The following OXNAD1 variants were observed in gnomAD, a reference collection of about 807,000 sequenced individuals.
The protein encoded by OXNAD1 is oxidoreductase NAD-binding domain-containing protein 1.
A neutral mutation model predicts 32.9 loss-of-function variants in OXNAD1; 34 were observed. The ratio of observed to expected loss-of-function variants is 1.03; its 90% CI spans 0.79 to 1.38. The LOEUF is 1.38. Ranked by LOEUF, OXNAD1 falls within the 40% of genes most tolerant of loss-of-function variation. The pLI is 0.00. For synonymous variants in OXNAD1, 134 were observed against 135.2 expected (o/e 0.99, Z 0.06); for missense variants, 407 against 379.4 (o/e 1.07, Z -0.60).
chr3:16,295,283 G>C (rs182681814), intron 6 of OXNAD1, among the ~76,000 whole-genome samples: 2 of 152,262 alleles, frequency 1.3e-5, no homozygotes, highest in Non-Finnish European at 2.9e-5. Flanking sequence ...TTGGCTCTCT[G>C]TGTCATGTAA....
intron 9 of OXNAD1, among the ~76,000 whole-genome samples, chr3:16,332,926 T>C (rs565574105): frequency 6.6e-6 from 1 of 152,364 alleles, no homozygotes; most frequent in South Asian, 2.1e-4. Flanking sequence ...TTAGTGACTA[T>C]TGAACCATTG....
chr3:16,318,270 G>A (rs1377311818), intron 9 of OXNAD1, among the ~76,000 whole-genome samples: 1 of 152,092 alleles, frequency 6.6e-6, no homozygotes, highest in Non-Finnish European at 1.5e-5. Context: ...TTCCCACCAT[G>A]GCCACTTCCT....
chr3:16,271,649 T>C lies in OXNAD1; in HGVS notation c.120-10T>C, dbSNP rs754903620. 8 of 1,578,032 alleles carry C rather than the reference T, an allele frequency of 5.1e-6. No homozygotes were observed. The East Asian group carries it at 1.6e-4, about 31-fold the overall frequency. Reference sequence around the variant, plus strand: ...AATATGTAATAACCTAATTTTACTTTCTATTAAAGCATAATGAAATCCAAA... The same window carrying C: ...AATATGTAATAACCTAATTTTACTTCCTATTAAAGCATAATGAAATCCAAA... On this transcript the variant is annotated splice_polypyrimidine_tract_variant and intron_variant, in intron 3 of 8. Transcript: ENST00000285083. This position sits in a 1 kb window ranked among gnomAD's most constrained non-coding sequence, Gnocchi z 4.6.
In OXNAD1 at chr3:16,316,671, G is replaced by T; in HGVS notation, c.*30+13079G>T. 1.3e-6 allele frequency: 1 copy of T among 788,106 alleles called. No individual in the cohort carries two copies. Among genetic ancestry groups the T allele is most frequent in the Non-Finnish European group, 2.1e-6 (1 of 472,630 alleles). The allele number at this position is 788,106 out of a possible 1,614,324, so 48.8% of individuals were successfully genotyped here. A position where few individuals can be genotyped will look rare whatever the true frequency, so the allele number is the denominator to read the frequency against. ...CAAAAACCAACACTGTCAGGAACCT[G>T]GCCCTGGGAGGGCTCAGGTGAGCTC... On this transcript the variant is annotated intron_variant, in intron 9 of 9. Coordinates refer to the OXNAD1 transcript ENST00000435829. The surrounding 1 kb of genome is among the most constrained non-coding windows in gnomAD (Gnocchi z 4.5).
chr3:16,325,192 C>T (rs564023080), intron 9 of OXNAD1, among the ~76,000 whole-genome samples: 1 of 152,320 alleles, frequency 6.6e-6, no homozygotes, highest in South Asian at 2.1e-4. Flanking sequence ...CTCATTTAAG[C>T]TTCACCTCAA....
intron 1 of OXNAD1, among the ~76,000 whole-genome samples, chr3:16,266,682 C>CA (rs1402157742): frequency 7.3e-5 from 11 of 149,956 alleles, no homozygotes; most frequent in South Asian, 2.1e-4. Flanking sequence ...TGTTGTATAT[C>CA]AGGCCAGAAG....
In OXNAD1 at chr3:16,345,887, C is replaced by T. The variant is rs1035230243; in HGVS notation, c.*31-3289C>T. The T allele has an allele frequency of 6.6e-6, 1 of 151,580 alleles. No homozygotes were observed. Among genetic ancestry groups the T allele is most frequent in the African/African-American group, 2.4e-5 (1 of 41,186 alleles). 9.4% of individuals were successfully genotyped at this position (151,580 alleles called of 1,614,324 possible). A position where few individuals can be genotyped will look rare whatever the true frequency, so the allele number is the denominator to read the frequency against. On this transcript the variant is annotated intron_variant, in intron 9 of 9. Transcript: ENST00000606098. This position sits in a 1 kb window ranked among gnomAD's most constrained non-coding sequence, Gnocchi z 5.2. The stretch of plus-strand genomic sequence containing the variant: ...ATAATCTCCTACTGGTTCTGTTTTA[C>T]TGGAGAACCCTAATACACTTCTTTC...
rs2068041550 is a variant in OXNAD1, at chr3:16,312,464, A to C, written c.*30+8872A>C. 6.6e-6 allele frequency among the ~76,000 whole-genome samples: 1 copy of C among 152,126 alleles called. No homozygotes were observed. Among genetic ancestry groups the C allele is most frequent in the South Asian group, 2.1e-4 (1 of 4,826 alleles). ...AGTGCCGAGCTTCTCCTGGCCACAC[A>C]CACCAGTCATCCTCACCCTTCCCGT... On this transcript the variant is annotated intron_variant, in intron 9 of 9. Transcript: ENST00000435829. This position sits in a 1 kb window ranked among gnomAD's most constrained non-coding sequence, Gnocchi z 4.7.
At chr3:16,291,254 TAAAA>T (rs2066411156) in intron 5 of OXNAD1, among the ~76,000 whole-genome samples, 1 of 152,188 alleles carries the variant, frequency 6.6e-6, no homozygotes, top group Non-Finnish European at 1.5e-5. Flanking sequence ...TTTTAAAACT[TAAAA>T]AGACTGTTAT....
In OXNAD1 at chr3:16,286,399, C is replaced by T; in HGVS notation, c.241C>T (p.Leu81Phe). The stretch of plus-strand genomic sequence containing the variant: ...CAGTGAGTCACCGTCAGTGAAGAGC[C>T]TCCGCTTGCTTGTTGCTGATCAAGA... The part of the protein sequence containing the change: ...AASESPSVKS[L>F]RLLVADQDFS... The change falls in exon 5 of 9, where the codon CTC becomes TTC. Residue 81 changes from leucine (L) to phenylalanine (F), a missense_variant. Leu to Phe is a conservative substitution (Grantham distance 22). Coordinates refer to ENST00000285083, the MANE Select transcript of OXNAD1 (RefSeq NM_138381.5). The T allele has an allele frequency of 6.2e-7, 1 of 1,613,960 alleles. No homozygotes were observed.
intron 4 of OXNAD1, among the ~76,000 whole-genome samples, chr3:16,285,234 G>T (rs2065992433): frequency 6.6e-6 from 1 of 152,184 alleles, no homozygotes; most frequent in Non-Finnish European, 1.5e-5. Flanking sequence ...TTTTGAAAAT[G>T]GTCTCCACTA....
rs12489896 is a variant in OXNAD1 at position 16,327,692 on chromosome 3, T to C, written c.*31-9420T>C. On this transcript the variant is annotated intron_variant, in intron 9 of 9. Coordinates refer to the OXNAD1 transcript ENST00000435829. The surrounding 1 kb of genome is among the most constrained non-coding windows in gnomAD (Gnocchi z 4.2). ...AGGAGAATGGCGTGAACCCGGGAGG[T>C]GGAGCTTGCAGTGAGCTGAGATGGC... is the stretch of plus-strand genomic sequence containing the variant. Among the ~76,000 whole-genome samples, 8,027 of 150,400 alleles carry C rather than the reference T, an allele frequency of 0.053. 287 individuals are homozygous for C. Among genetic ancestry groups the C allele is most frequent in the Middle Eastern group, 0.086 (25 of 292 alleles).
chr3:16,343,332 T>C (rs2071432832), intron 9 of OXNAD1, among the ~76,000 whole-genome samples: 1 of 152,190 alleles, frequency 6.6e-6, no homozygotes, highest in Non-Finnish European at 1.5e-5. Context: ...CCACATACAC[T>C]CTCCAATTAG....
At position 16,304,987 on chromosome 3, in the gene OXNAD1, G is replaced by T. The variant is rs1275153919; in HGVS notation, c.*1425G>T. On this transcript the variant is annotated 3_prime_UTR_variant, in exon 9 of 9. Coordinates refer to ENST00000285083, the MANE Select transcript of OXNAD1 (RefSeq NM_138381.5). The surrounding 1 kb of genome is among the most constrained non-coding windows in gnomAD (Gnocchi z 4.6). The stretch of plus-strand genomic sequence containing the variant: ...TTTGGGGAGGAAGGGAGGAGCTACT[G>T]ACCTGATGGGAATATCATAATCCAT... The T allele has an allele frequency of 6.6e-6, 1 of 152,196 alleles. No homozygotes were observed. The highest frequency in any genetic ancestry group is 2.4e-5 in the African/African-American group (1 of 41,426). The allele number at this position is 152,196 out of a possible 1,614,324, so 9.4% of individuals were successfully genotyped here. A position where few individuals can be genotyped will look rare whatever the true frequency, so the allele number is the denominator to read the frequency against.
rs556731501 is a variant in OXNAD1, at chr3:16,317,388, G to A, written c.*30+13796G>A. Among the ~76,000 whole-genome samples the A allele has an allele frequency of 1.2e-3, 186 of 151,506 alleles. 5 individuals carry two copies. The South Asian group carries it at 0.037, about 30-fold the overall frequency. On this transcript the variant is annotated intron_variant, in intron 9 of 9. Transcript: ENST00000435829. This position sits in a 1 kb window ranked among gnomAD's most constrained non-coding sequence, Gnocchi z 4.3. ...GCAGTACAGGCACCAAACTTGAATC[G>A]CACACTATCACATCACACCCACCCC...
rs2125184885 is a variant in OXNAD1 at position 16,320,995 on chromosome 3, A to G, written c.*31-16117A>G. On this transcript the variant is annotated intron_variant, in intron 9 of 9. Transcript: ENST00000435829. The surrounding 1 kb of genome is among the most constrained non-coding windows in gnomAD (Gnocchi z 4.5). ...TTAGGAGATTAGAATAGCTGAGGCGAGTGATGGTAGAGAGAAGTGGAGGGA... is the reference window on the plus strand; with the variant it reads ...TTAGGAGATTAGAATAGCTGAGGCGGGTGATGGTAGAGAGAAGTGGAGGGA... Among the ~76,000 whole-genome samples, 1 of 152,316 alleles carries G rather than the reference A, an allele frequency of 6.6e-6. No individual in the cohort carries two copies.
rs1415673927 is a variant in OXNAD1, at chr3:16,284,153, CTTG to C, written c.184-2184_184-2182del. ...GTACAAGCCCACCACACTGCAGTTT[CTTG>C]TTGTCCATGTGAGCAGTCTCTGAGA... On this transcript the variant is annotated intron_variant, in intron 4 of 8. Transcript: ENST00000285083. This position sits in a 1 kb window ranked among gnomAD's most constrained non-coding sequence, Gnocchi z 4.1. 3.9e-5 allele frequency among the ~76,000 whole-genome samples: 6 copies of C among 152,316 alleles called. No individual in the cohort carries two copies. Among genetic ancestry groups the C allele is most frequent in the East Asian group, 3.9e-4 (2 of 5,188 alleles).
At position 16,293,846 on chromosome 3, in the gene OXNAD1, T is replaced by C. The variant is rs576089833; in HGVS notation, c.291-1010T>C. On this transcript the variant is annotated intron_variant, in intron 5 of 8. Coordinates refer to ENST00000285083, the MANE Select transcript of OXNAD1 (RefSeq NM_138381.5). ...AAAGTTCCCAATTATTCCTAATTTG[T>C]TGAGTATTTTTGTTATGAAAAAGTG... is the stretch of plus-strand genomic sequence containing the variant. Among the ~76,000 whole-genome samples the C allele has an allele frequency of 5.3e-5, 8 of 152,330 alleles. No homozygotes were observed. The South Asian group carries it at 1.7e-3, about 32-fold the overall frequency.
chr3:16,306,378 TA>T (rs1188710810), downstream of OXNAD1, among the ~76,000 whole-genome samples: 2 of 152,190 alleles, frequency 1.3e-5, no homozygotes, highest in African/African-American at 2.4e-5. Flanking sequence ...GTGTCACTTC[TA>T]AATTCTTCAG....
Sources: allele counts gnomAD v4.1 joint callset (sites outside exome capture counted in the v4.1 genomes callset), GRCh38; gene constraint gnomAD v4.1.1; non-coding constraint Gnocchi (gnomAD v3.1); transcripts MANE v1.5; gene names NCBI Gene and HGNC (gene_info 2026-07-23, HGNC 2026-07-21).